SPINK9: variants seen among roughly 807,000 people sequenced by gnomAD.
The protein encoded by SPINK9 is serine protease inhibitor Kazal-type 9.
In SPINK9, 3 loss-of-function variants were observed where a neutral mutation model predicts 10.8. The ratio of observed to expected loss-of-function variants is 0.28; its 90% confidence interval spans 0.13 to 0.72. The LOEUF (loss-of-function observed/expected upper bound fraction) is 0.72. SPINK9 is among the 30% of genes least tolerant of loss of function. The probability of loss-of-function intolerance (pLI) is 0.74; values close to 1 mark genes in which losing one functional copy is unlikely to be tolerated. For missense variants in SPINK9, 101 were observed against 103.2 expected, an observed-to-expected ratio of 0.98 and a Z score of 0.09; for synonymous variants, 30 against 31.2, an observed-to-expected ratio of 0.96 and a Z score of 0.12.
At chr5:148,322,961 C>T (rs1757015595) in intron 1 of SPINK9, among the ~76,000 whole-genome samples, 1 of 152,136 alleles carries the variant, frequency 6.6e-6, no homozygotes, top group South Asian at 2.1e-4. Context: ...ACAATGGATA[C>T]ATTCCCAGAA....
At chr5:148,337,169 C>T (rs907823358) in intron 2 of SPINK9, among the ~76,000 whole-genome samples, 25 of 152,120 alleles carry the variant, frequency 1.6e-4, no homozygotes, top group African/African-American at 3.9e-4. Flanking sequence ...CTGAAAGTTA[C>T]GAGCTTGGTA....
At chr5:148,329,513 C>T (rs142930822) in intron 2 of SPINK9, among the ~76,000 whole-genome samples, 3,613 of 151,698 alleles carry the variant, frequency 0.024, 153 homozygotes, top group East Asian at 0.17. Flanking sequence ...CCTTCAGTTC[C>T]GCTCTGATCT....
upstream of SPINK9, among the ~76,000 whole-genome samples, chr5:148,333,566 T>C (rs781379550): frequency 9.9e-5 from 15 of 152,200 alleles, no homozygotes; most frequent in African/African-American, 1.7e-4. Flanking sequence ...AGGTGGTAAC[T>C]ATGGGGTTGT....
chr5:148,337,850 A>C (rs568894188), intron 2 of SPINK9, among the ~76,000 whole-genome samples: 1 of 152,268 alleles, frequency 6.6e-6, no homozygotes, highest in African/African-American at 2.4e-5. Flanking sequence ...ATGCTCATAG[A>C]TTTTTTAAAA....
chr5:148,335,253 C>T (rs1462259715), upstream of SPINK9, among the ~76,000 whole-genome samples: 3 of 152,124 alleles, frequency 2.0e-5, no homozygotes, highest in Non-Finnish European at 4.4e-5. Flanking sequence ...ACTTATTAAA[C>T]CATGGCCAAA....
At chr5:148,324,774 A>T (rs1179703181) in intron 2 of SPINK9, among the ~76,000 whole-genome samples, 1 of 151,778 alleles carries the variant, frequency 6.6e-6, no homozygotes, top group African/African-American at 2.4e-5. Context: ...GGCTTTTTGT[A>T]CCCTCAGAGA....
upstream of SPINK9, among the ~76,000 whole-genome samples, chr5:148,331,128 G>A (rs568499788): frequency 1.3e-5 from 2 of 152,280 alleles, no homozygotes; most frequent in Non-Finnish European, 1.5e-5. Flanking sequence ...CCAGTGAGAC[G>A]AACCCAGTAC....
chr5:148,327,880 C>A (rs1757087557), intron 2 of SPINK9, among the ~76,000 whole-genome samples: 1 of 152,100 alleles, frequency 6.6e-6, no homozygotes, highest in Admixed American at 6.5e-5. Flanking sequence ...TGTTTTTGTA[C>A]CAGTACCATG....
At chr5:148,322,007 A>C (rs1347387439) in intron 1 of SPINK9, among the ~76,000 whole-genome samples, 1 of 152,100 alleles carries the variant, frequency 6.6e-6, no homozygotes, top group Admixed American at 6.5e-5. Context: ...TATGTTTGTT[A>C]TTTCATTTAT....
chr5:148,337,378 C>A (rs542484899), intron 2 of SPINK9, among the ~76,000 whole-genome samples: 1 of 151,996 alleles, frequency 6.6e-6, no homozygotes, highest in Non-Finnish European at 1.5e-5. Flanking sequence ...AACCTTAGCC[C>A]GATAACAGGA....
intron 3 of SPINK9, among the ~76,000 whole-genome samples, chr5:148,339,328 G>C (rs1234736933): frequency 6.6e-6 from 1 of 151,478 alleles, no homozygotes; most frequent in African/African-American, 2.4e-5. Context: ...ATACAAACGA[G>C]CATCTAACAT....
At chr5:148,328,255 T>A (rs1757096105) in intron 2 of SPINK9, among the ~76,000 whole-genome samples, 1 of 152,294 alleles carries the variant, frequency 6.6e-6, no homozygotes, top group African/African-American at 2.4e-5. Context: ...GGTATTTTAT[T>A]CTCTTTGAAG....
intron 2 of SPINK9, among the ~76,000 whole-genome samples, chr5:148,325,521 G>T (rs1170999253): frequency 6.6e-6 from 1 of 152,046 alleles, no homozygotes; most frequent in African/African-American, 2.4e-5. Flanking sequence ...AACTAATGGT[G>T]TTAGCGGTCT....
chr5:148,323,567 T>C (rs976840931), intron 1 of SPINK9: 1 of 474,054 alleles, frequency 2.1e-6, no homozygotes, highest in Non-Finnish European at 3.7e-6. Context: ...TTTATTAACT[T>C]TCTTTCCTTC....
At chr5:148,334,288 C>T (rs1025407129), upstream of SPINK9, among the ~76,000 whole-genome samples, 3 of 152,068 alleles carry the variant, frequency 2.0e-5, no homozygotes, top group East Asian at 5.8e-4. Context: ...GGATTCTTTA[C>T]TAAAACTAAA....
chr5:148,331,027 T>G (rs1048916395), upstream of SPINK9, among the ~76,000 whole-genome samples: 7 of 152,340 alleles, frequency 4.6e-5, no homozygotes, highest in South Asian at 6.2e-4. Context: ...CCTGACCCCT[T>G]GCACTTCCTG....
intron 2 of SPINK9, among the ~76,000 whole-genome samples, chr5:148,329,064 G>A (rs1757110060): frequency 6.6e-6 from 1 of 152,144 alleles, no homozygotes; most frequent in Non-Finnish European, 1.5e-5. Context: ...GATTGGAATA[G>A]TTTCAGAAGG....
At chr5:148,323,146 G>T in intron 1 of SPINK9, among the ~76,000 whole-genome samples, 1 of 152,122 alleles carries the variant, frequency 6.6e-6, no homozygotes, top group Non-Finnish European at 1.5e-5. Context: ...AGACAAAAAT[G>T]CTGATTGAGG....
At chr5:148,330,578 T>G (rs1452130623), upstream of SPINK9, among the ~76,000 whole-genome samples, 1 of 152,228 alleles carries the variant, frequency 6.6e-6, no homozygotes, top group Non-Finnish European at 1.5e-5. Flanking sequence ...TGCTCATTAG[T>G]TGATGCAGTT....
Sources: gnomAD v4.1 joint callset for allele counts (sites outside exome capture counted in the v4.1 genomes callset) on GRCh38, gnomAD v4.1.1 for gene constraint, MANE v1.5 for transcripts, NCBI Gene and HGNC (gene_info 2026-07-23, HGNC 2026-07-21) for gene names.